Variants in SRD5A2 observed in about 807,000 individuals in gnomAD.
The protein encoded by SRD5A2 is steroid 5 alpha-reductase 2.
A neutral mutation model predicts 27.4 loss-of-function variants in SRD5A2; 30 were observed. The observed-to-expected ratio is 1.10, with a 90% confidence interval of 0.82 to 1.49. The LOEUF (loss-of-function observed/expected upper bound fraction) is 1.49, where lower values mean the gene tolerates loss of function less well. Among genes scored for constraint, SRD5A2 ranks in the 40% most tolerant of loss-of-function variants. SRD5A2 has a pLI of 0.00. For missense variants in SRD5A2, 348 were observed against 323.4 expected, an observed-to-expected ratio of 1.08 and a Z score of -0.58; for synonymous variants, 141 against 133.6, an observed-to-expected ratio of 1.06 and a Z score of -0.38.
chr2:31,646,181 G>A, the SRD5A2 span, among the ~76,000 whole-genome samples: 17 of 151,426 alleles, frequency 1.1e-4, no homozygotes, highest in Middle Eastern at 0.01. Flanking sequence ...ACACACACAC[G>A]CACACACACA....
the SRD5A2 span, among the ~76,000 whole-genome samples, chr2:31,597,429 G>A: frequency 1.3e-5 from 2 of 151,206 alleles, no homozygotes; most frequent in Non-Finnish European, 3.0e-5. Context: ...GAGTTCATGA[G>A]TAAAAATCCA....
At chr2:31,547,957 C>A (rs1432461834) in intron 1 of SRD5A2, among the ~76,000 whole-genome samples, 2 of 152,052 alleles carry the variant, frequency 1.3e-5, no homozygotes, top group Non-Finnish European at 2.9e-5. Flanking sequence ...CTCTGAAGAA[C>A]CCTGATTAAA....
chr2:31,635,251 T>G, the SRD5A2 span, among the ~76,000 whole-genome samples: 1 of 152,100 alleles, frequency 6.6e-6, no homozygotes, highest in Non-Finnish European at 1.5e-5. Flanking sequence ...CTGGGATGAC[T>G]TAACGTCACA....
intron 1 of SRD5A2, among the ~76,000 whole-genome samples, chr2:31,562,523 G>C (rs1666645605): frequency 6.6e-6 from 1 of 152,074 alleles, no homozygotes; most frequent in Non-Finnish European, 1.5e-5. Flanking sequence ...CAAGTCTTCT[G>C]ATGTTATTTG....
At chr2:31,545,302 T>C (rs1196839219) in intron 1 of SRD5A2, among the ~76,000 whole-genome samples, 1 of 152,064 alleles carries the variant, frequency 6.6e-6, no homozygotes, top group Non-Finnish European at 1.5e-5. Context: ...GCAGTATTTT[T>C]TATGAACATC....
At chr2:31,594,009 C>T in the SRD5A2 span, among the ~76,000 whole-genome samples, 51 of 152,246 alleles carry the variant, frequency 3.3e-4, 1 homozygote, top group South Asian at 8.9e-3. Flanking sequence ...TTTGCCACTA[C>T]CAAGCCAGCA....
chr2:31,647,114 C>T, the SRD5A2 span, among the ~76,000 whole-genome samples: 4 of 152,182 alleles, frequency 2.6e-5, no homozygotes, highest in Middle Eastern at 3.4e-3. Context: ...CACTGCACTC[C>T]AGCCTGGGCG....
intron 1 of SRD5A2, among the ~76,000 whole-genome samples, chr2:31,578,253 C>G (rs550634856): frequency 2.0e-5 from 3 of 151,940 alleles, no homozygotes; most frequent in African/African-American, 7.2e-5. Flanking sequence ...AAAATTTTTA[C>G]ATAATAATTT....
At chr2:31,600,731 A>C in the SRD5A2 span, among the ~76,000 whole-genome samples, 1 of 151,912 alleles carries the variant, frequency 6.6e-6, no homozygotes, top group African/African-American at 2.4e-5. Context: ...TTACCCTGAT[A>C]GCAAAACCAG....
At chr2:31,624,054 C>T in the SRD5A2 span, among the ~76,000 whole-genome samples, 3 of 151,972 alleles carry the variant, frequency 2.0e-5, no homozygotes, top group African/African-American at 7.2e-5. Context: ...GGATATTGGC[C>T]TGAAATTTTC....
chr2:31,623,177 T>G, the SRD5A2 span, among the ~76,000 whole-genome samples: 1 of 152,058 alleles, frequency 6.6e-6, no homozygotes. Context: ...GGGCCGAAGG[T>G]GCTGTTGATG....
At chr2:31,637,172 T>A in the SRD5A2 span, among the ~76,000 whole-genome samples, 1 of 152,070 alleles carries the variant, frequency 6.6e-6, no homozygotes, top group Non-Finnish European at 1.5e-5. Context: ...TTATTGAGGT[T>A]TTCTATTTCA....
the SRD5A2 span, among the ~76,000 whole-genome samples, chr2:31,607,520 G>C: frequency 6.6e-6 from 1 of 151,772 alleles, no homozygotes; most frequent in South Asian, 2.1e-4. Flanking sequence ...AAAAAGCTCA[G>C]CATTTTACCT....
intron 1 of SRD5A2, among the ~76,000 whole-genome samples, chr2:31,549,792 A>G (rs1435855483): frequency 6.6e-6 from 1 of 152,212 alleles, no homozygotes; most frequent in Non-Finnish European, 1.5e-5. Flanking sequence ...TGAAGGCTTC[A>G]ACACCCATTT....
chr2:31,578,629 C>T (rs944736373), intron 1 of SRD5A2, among the ~76,000 whole-genome samples: 3 of 152,262 alleles, frequency 2.0e-5, no homozygotes, highest in South Asian at 2.1e-4. Flanking sequence ...ACATCAGATC[C>T]CGATGCCTCA....
In SRD5A2 at chr2:31,571,219, A is replaced by G. The variant is rs562228895; in HGVS notation, c.281+9401T>C. Among the ~76,000 whole-genome samples, 8 of 152,276 alleles carry G rather than the reference A, an allele frequency of 5.3e-5. No homozygotes were observed. In the East Asian group the frequency reaches 1.5e-3, roughly 29 times the overall value. ...ATAGAGTGCCCAGAAACAATGCTGCATACCTACAACCATCTGATATTTAAT... is the reference window on the plus strand; with the variant it reads ...ATAGAGTGCCCAGAAACAATGCTGCGTACCTACAACCATCTGATATTTAAT... On this transcript the variant is annotated intron_variant, in intron 1 of 4. Coordinates refer to ENST00000622030, the MANE Select transcript of SRD5A2 (RefSeq NM_000348.4).
the SRD5A2 span, among the ~76,000 whole-genome samples, chr2:31,616,181 C>G: frequency 3.3e-5 from 5 of 152,200 alleles, no homozygotes; most frequent in Admixed American, 6.5e-5. Flanking sequence ...GATGTCCAGG[C>G]AGAAGTTTGC....
the SRD5A2 span, among the ~76,000 whole-genome samples, chr2:31,591,353 C>T: frequency 3.6e-3 from 543 of 152,202 alleles, 1 homozygote; most frequent in African/African-American, 0.012. Context: ...TCATCACTGG[C>T]CATCAGAGAA....
chr2:31,644,727 T>C, the SRD5A2 span, among the ~76,000 whole-genome samples: 2 of 152,212 alleles, frequency 1.3e-5, no homozygotes, highest in Non-Finnish European at 2.9e-5. Context: ...ATTGACAAAA[T>C]TCAAATATTG....
Sources: allele counts gnomAD v4.1 joint callset (sites outside exome capture counted in the v4.1 genomes callset), GRCh38; gene constraint gnomAD v4.1.1; transcripts MANE v1.5; gene names NCBI Gene and HGNC (gene_info 2026-07-23, HGNC 2026-07-21).